Variants in CNOT1 observed in about 807,000 individuals in gnomAD.
CNOT1 encodes CCR4-NOT transcription complex subunit 1.
A neutral mutation model predicts 273.8 loss-of-function variants in CNOT1; 15 were observed. That is an observed-to-expected ratio of 0.05 (90% CI 0.04 to 0.08). CNOT1 has a LOEUF of 0.08. Ranked by LOEUF, CNOT1 falls within the 10% of genes least tolerant of loss-of-function variation. The pLI, the probability that CNOT1 is intolerant of heterozygous loss-of-function variation, is 1.00. For missense variants in CNOT1, 1,644 were observed against 2,912.2 expected (o/e 0.56, Z 10.02); for synonymous variants, 1,022 against 1,005.5 (o/e 1.02, Z -0.31).
rs1276736404 is a variant in CNOT1, at chr16:58,587,401, C to T, written c.322G>A (p.Ala108Thr). 6.2e-7 allele frequency: 1 copy of T among 1,613,628 alleles called. No homozygotes were observed. The highest frequency in any genetic ancestry group is 8.5e-7 in the Non-Finnish European group (1 of 1,179,996). ...PLHYQKSLKP[A>T]PHLFAQLSKV... is the part of the protein sequence containing the mutation. ...CTCAGCTGGGCAAATAAGTGGGGTG[C>T]AGGCTTTAAACTCTGAAACAAACCA... Residue 108 changes from alanine (A) to threonine (T), a missense_variant, in exon 5 of 49, where the codon GCA (alanine) becomes ACA (threonine). By Grantham distance (58) the Ala-to-Thr change is moderately conservative. Around this residue, in one of 13 missense-constraint regions of CNOT1, gnomAD observed 706 missense variants for 1,021.2 expected, o/e 0.69. Transcript: ENST00000317147.
At chr16:58,579,110 G>A (rs2041565281) in intron 12 of CNOT1, among the ~76,000 whole-genome samples, 171 bp from the exon 13 acceptor site, 1 of 152,118 alleles carries the variant, frequency 6.6e-6, no homozygotes, top group South Asian at 2.1e-4. Flanking sequence ...TGCCCCAAGA[G>A]GTTGAAACTG....
intron 8 of CNOT1, among the ~76,000 whole-genome samples, chr16:58,584,706 C>G (rs1314572506): frequency 6.6e-6 from 1 of 152,118 alleles, no homozygotes; most frequent in East Asian, 1.9e-4. Context: ...AAGTACAACA[C>G]TCACAAATGC....
chr16:58,597,430 G>A (rs57510284), intron 2 of CNOT1, among the ~76,000 whole-genome samples: 5 of 151,954 alleles, frequency 3.3e-5, no homozygotes, highest in East Asian at 3.9e-4. Flanking sequence ...AGCTGAGATC[G>A]CGCCACGGTA....
At chr16:58,620,653 T>TAAAAAAAAAAAAA (rs200053031) in intron 1 of CNOT1, among the ~76,000 whole-genome samples, 1 of 106,836 alleles carries the variant, frequency 9.4e-6, no homozygotes, top group African/African-American at 3.7e-5. Context: ...CTGTCTCATT[T>TAAAAAAAAAAAAA]AAAAAAAAAA....
chr16:58,620,009 C>G (rs2043252102), intron 1 of CNOT1, among the ~76,000 whole-genome samples: 1 of 152,092 alleles, frequency 6.6e-6, no homozygotes, highest in Admixed American at 6.6e-5. Flanking sequence ...ACCGATAGAT[C>G]TTTTCCTCTG....
At chr16:58,627,688 T>G (rs1250892863) in intron 1 of CNOT1, among the ~76,000 whole-genome samples, 2 of 152,054 alleles carry the variant, frequency 1.3e-5, no homozygotes, top group East Asian at 1.9e-4. Flanking sequence ...ACCCGGGGTG[T>G]TAAGCTGGGA....
chr16:58,576,708 T>C, intron 13 of CNOT1, 126 bp from the exon 14 acceptor site: 1 of 1,426,030 alleles, frequency 7.0e-7, no homozygotes, highest in Non-Finnish European at 9.4e-7. Context: ...GACATTAAGT[T>C]CAGGCCTCAA....
intron 1 of CNOT1, among the ~76,000 whole-genome samples, chr16:58,605,480 T>C (rs1406947588): frequency 6.6e-6 from 1 of 152,082 alleles, no homozygotes. Flanking sequence ...CACTCCAGCC[T>C]AGGCGACAGA....
chr16:58,613,966 C>T (rs1205007381), intron 1 of CNOT1, among the ~76,000 whole-genome samples: 1 of 119,278 alleles, frequency 8.4e-6, no homozygotes, highest in Non-Finnish European at 2.0e-5. Context: ...GTGGCGGGCA[C>T]CTGTAGTCCC....
intron 13 of CNOT1, among the ~76,000 whole-genome samples, chr16:58,577,981 T>C (rs17821573): frequency 0.36 from 54,711 of 151,980 alleles, 10,913 homozygotes; most frequent in Non-Finnish European, 0.46. Flanking sequence ...TGAAATAAAA[T>C]GTAAATGTTG....
chr16:58,554,935 C>CAAAAGA (rs774456750), intron 21 of CNOT1, among the ~76,000 whole-genome samples: 1 of 78,910 alleles, frequency 1.3e-5, no homozygotes, highest in Non-Finnish European at 2.4e-5. Flanking sequence ...GACTCCATCT[C>CAAAAGA]AAAAAAAAAA....
intron 1 of CNOT1, among the ~76,000 whole-genome samples, chr16:58,627,128 G>C (rs1003911520): frequency 1.3e-5 from 2 of 152,036 alleles, no homozygotes; most frequent in African/African-American, 4.8e-5. Flanking sequence ...AAGCTTCTCG[G>C]CTGGGCACCG....
At chr16:58,595,499 A>C (rs532720118) in intron 2 of CNOT1, among the ~76,000 whole-genome samples, 89 of 152,180 alleles carry the variant, frequency 5.8e-4, no homozygotes, top group Middle Eastern at 3.4e-3. Context: ...CCTTAATCAC[A>C]AGACAGACAG....
intron 1 of CNOT1, among the ~76,000 whole-genome samples, chr16:58,627,708 A>G (rs2043644263): frequency 6.6e-6 from 1 of 152,194 alleles, no homozygotes; most frequent in African/African-American, 2.4e-5. Flanking sequence ...AACCAAAAAG[A>G]GCACATTTCA....
At chr16:58,530,930 A>G (rs2039761419) in intron 42 of CNOT1, among the ~76,000 whole-genome samples, 1 of 152,232 alleles carries the variant, frequency 6.6e-6, no homozygotes, top group African/African-American at 2.4e-5. Context: ...TACCTGTAGC[A>G]AAATTTAAAA....
At chr16:58,556,789 T>C (rs1335033711) in intron 19 of CNOT1, 58 bp downstream of exon 19, 8 of 1,584,574 alleles carry the variant, frequency 5.0e-6, no homozygotes, top group Non-Finnish European at 6.0e-6. Flanking sequence ...AAATGAGACA[T>C]ACAACTAAAC....
chr16:58,525,892 A>G, intron 45 of CNOT1, 97 bp downstream of exon 45: 2 of 1,012,738 alleles, frequency 2.0e-6, no homozygotes, highest in Non-Finnish European at 3.0e-6. Context: ...GGAAATGACA[A>G]TAAAAGACTA....
intron 44 of CNOT1, chr16:58,528,050 T>G: frequency 2.4e-6 from 1 of 409,970 alleles, no homozygotes; most frequent in South Asian, 1.8e-5. Context: ...GAAGGGGAGG[T>G]TGCAGTAAGC....
At chr16:58,538,954 A>G in intron 35 of CNOT1, 40 bp from the exon 36 acceptor site, 1 of 1,602,302 alleles carries the variant, frequency 6.2e-7, no homozygotes, top group Non-Finnish European at 8.5e-7. Context: ...TGAAAAATAC[A>G]GTGCTTGGCC....
Sources: gnomAD v4.1 joint callset for allele counts (sites outside exome capture counted in the v4.1 genomes callset) on GRCh38, gnomAD v4.1.1 for gene constraint, gnomAD v4.1.1 regional missense constraint, MANE v1.5 for transcripts, NCBI Gene and HGNC (gene_info 2026-07-23, HGNC 2026-07-21) for gene names.